The following NUCB2 variants were observed in gnomAD, a reference collection of about 807,000 sequenced individuals.
The protein encoded by NUCB2 is nucleobindin 2.
Under a neutral mutation model 57.9 loss-of-function variants are expected in NUCB2, and 48 were observed. That is an observed-to-expected ratio of 0.83 (90% CI 0.66 to 1.05). The LOEUF is 1.05. NUCB2 is among the 50% of genes least tolerant of loss of function. The pLI is 0.00. For synonymous variants in NUCB2, 139 were observed against 152.1 expected (o/e 0.91, Z 0.64); for missense variants, 442 against 476.2 (o/e 0.93, Z 0.67).
intron 5 of NUCB2, among the ~76,000 whole-genome samples, chr11:17,304,314 C>T (rs1321185687): frequency 6.6e-6 from 1 of 151,990 alleles, no homozygotes; most frequent in Non-Finnish European, 1.5e-5. Flanking sequence ...CCTGCCTCAG[C>T]CTCCTGAGTC....
chr11:17,342,304 G>A lies in NUCB2; in HGVS notation n.2626+4770G>A, dbSNP rs1189639688. ...TTTGATTTTTTGAAGGGTTTTTTGT[G>A]TATCTCTTTCAGTTCTGCTCTGATC... On this transcript the variant is annotated intron_variant and non_coding_transcript_variant, in intron 2 of 2. Transcript: ENST00000532240. Among the ~76,000 whole-genome samples, 4 of 151,928 alleles carry A rather than the reference G, an allele frequency of 2.6e-5. No homozygotes were observed. The East Asian group carries it at 5.8e-4, about 22-fold the overall frequency.
chr11:17,330,182 T>C lies in NUCB2; in HGVS notation c.1058T>C (p.Ile353Thr), dbSNP rs761001007. Residue 353 changes from isoleucine to threonine, a missense_variant, in exon 12 of 14, where the codon ATT becomes ACT. By Grantham distance (89) the Ile-to-Thr change is moderately conservative. Transcript: ENST00000529010. This position sits in a 1 kb window ranked among gnomAD's most constrained non-coding sequence, Gnocchi z 4.3. ...TEEELKEYEN[I>T]IALQENELKK... is the part of the protein sequence containing the mutation. ...GAAGAACTAAAAGAATATGAAAATA[T>C]TATTGCTTTACAAGAAAATGAACTT... 1 of 1,591,530 alleles carries C rather than the reference T, an allele frequency of 6.3e-7. No homozygotes were observed. The highest frequency in any genetic ancestry group is 8.6e-7 in the Non-Finnish European group (1 of 1,161,802).
At chr11:17,301,477 G>A (rs1430657675) in intron 4 of NUCB2, among the ~76,000 whole-genome samples, 5 of 145,836 alleles carry the variant, frequency 3.4e-5, no homozygotes, top group South Asian at 2.2e-4. Flanking sequence ...ACGGTATTTC[G>A]CCAGGTTGGC....
At position 17,315,472 on chromosome 11, in the gene NUCB2, G is replaced by A; in HGVS notation, c.999G>A (p.Trp333Ter). 6.3e-7 allele frequency: 1 copy of A among 1,594,898 alleles called. No homozygotes were observed. Among genetic ancestry groups the A allele is most frequent in the South Asian group, 1.1e-5 (1 of 90,390 alleles). ...EKKEFLEPDS[W>*]ETLDQQQFFT... ...AAGAATTCTTGGAGCCAGATAGCTGGGAGGTAATAGAACCTACTCTAAATG... is the reference window on the plus strand; with the variant it reads ...AAGAATTCTTGGAGCCAGATAGCTGAGAGGTAATAGAACCTACTCTAAATG... Residue 333 changes from tryptophan to a stop codon, truncating the protein, a stop_gained, in exon 11 of 14, where the codon TGG becomes TGA. Coordinates refer to ENST00000529010, the MANE Select transcript of NUCB2 (RefSeq NM_005013.4). LOFTEE classifies it high-confidence loss of function.
chr11:17,284,487 C>T (rs1430972968), intron 2 of NUCB2, among the ~76,000 whole-genome samples: 2 of 152,152 alleles, frequency 1.3e-5, no homozygotes, highest in Non-Finnish European at 2.9e-5. Flanking sequence ...AAGATTCAGT[C>T]AATCTTTTAG....
chr11:17,311,935 A>G lies in NUCB2; in HGVS notation c.819+5A>G. On this transcript the variant is annotated splice_donor_5th_base_variant and intron_variant, in intron 9 of 13. Transcript: ENST00000529010. The stretch of plus-strand genomic sequence containing the variant: ...GAAGCCCTATTTACTAAAGAGGTAA[A>G]GGAGTTTATTAAGTATTCAGTGTTC... The G allele has an allele frequency of 6.3e-7, 1 of 1,581,342 alleles. No homozygotes were observed. The highest frequency in any genetic ancestry group is 1.1e-5 in the South Asian group (1 of 87,532).
chr11:17,320,455 A>G (rs1422881099), intron 11 of NUCB2, among the ~76,000 whole-genome samples: 1 of 152,100 alleles, frequency 6.6e-6, no homozygotes, highest in Non-Finnish European at 1.5e-5. Flanking sequence ...GGATCACCTG[A>G]TATCAGACCT....
intron 1 of NUCB2, among the ~76,000 whole-genome samples, chr11:17,279,603 C>G (rs1285349327): frequency 6.6e-6 from 1 of 152,050 alleles, no homozygotes; most frequent in Non-Finnish European, 1.5e-5. Flanking sequence ...TGTGATCTTT[C>G]AAAATATCTT....
intron 2 of NUCB2, among the ~76,000 whole-genome samples, chr11:17,287,421 C>T (rs879067377): frequency 6.6e-6 from 1 of 151,980 alleles, no homozygotes; most frequent in African/African-American, 2.4e-5. Flanking sequence ...CCTGTAATCT[C>T]GGCACTTTGG....
intron 11 of NUCB2, among the ~76,000 whole-genome samples, chr11:17,315,718 T>C (rs1949142477): frequency 6.6e-6 from 1 of 152,176 alleles, no homozygotes; most frequent in Non-Finnish European, 1.5e-5. Context: ...TTTTTCAAAG[T>C]ATAAAATAGG....
At chr11:17,318,148 G>A (rs1335397012) in intron 11 of NUCB2, among the ~76,000 whole-genome samples, 2 of 151,860 alleles carry the variant, frequency 1.3e-5, no homozygotes, top group Admixed American at 1.3e-4. Flanking sequence ...CTGAGTAGCT[G>A]AGACCACAGG....
chr11:17,300,224 T>A (rs1946473437), intron 4 of NUCB2, among the ~76,000 whole-genome samples: 1 of 152,200 alleles, frequency 6.6e-6, no homozygotes, highest in South Asian at 2.1e-4. Context: ...TTGGCCAGGC[T>A]GGTCTCAAAA....
chr11:17,335,872 ATTC>A (rs1181826415), downstream of NUCB2, among the ~76,000 whole-genome samples: 1 of 152,228 alleles, frequency 6.6e-6, no homozygotes, highest in East Asian at 1.9e-4. Context: ...TGTTTATACC[ATTC>A]TTCTTCATAT....
chr11:17,345,852 T>G (rs1429258320), intron 2 of NUCB2, among the ~76,000 whole-genome samples: 1 of 152,178 alleles, frequency 6.6e-6, no homozygotes, highest in African/African-American at 2.4e-5. Flanking sequence ...AAACTATAAA[T>G]AAATAATTGG....
Position 17,328,050 on chromosome 11 carries a change from G to T in NUCB2, c.1003-2077G>T, listed in dbSNP as rs538540114. Among the ~76,000 whole-genome samples, 198 of 152,268 alleles carry T rather than the reference G, an allele frequency of 1.3e-3. 1 individual carries two copies. Among genetic ancestry groups the T allele is most frequent in the African/African-American group, 4.6e-3 (191 of 41,536 alleles). ...ACTTACTGTAATCTTCACACTCTGG[G>T]TTTGTTTGTGCATGTCCTTCTTTGG... On this transcript the variant is annotated intron_variant, in intron 11 of 13. Transcript: ENST00000529010.
chr11:17,310,153 G>C (rs1485223605), intron 6 of NUCB2, among the ~76,000 whole-genome samples: 1 of 152,028 alleles, frequency 6.6e-6, no homozygotes, highest in Middle Eastern at 3.2e-3. Context: ...GTTCTAACCT[G>C]GCAGGTATTA....
intron 10 of NUCB2, among the ~76,000 whole-genome samples, chr11:17,315,144 G>T (rs1463427598): frequency 6.6e-6 from 1 of 152,126 alleles, no homozygotes; most frequent in African/African-American, 2.4e-5. Context: ...TGGGCATTAG[G>T]TATATAGATA....
At chr11:17,317,996 T>TA (rs397961511) in intron 11 of NUCB2, among the ~76,000 whole-genome samples, 12 of 147,330 alleles carry the variant, frequency 8.1e-5, no homozygotes, top group Admixed American at 6.8e-4. Flanking sequence ...TTTTTTTTTT[T>TA]AATAATTTTA....
chr11:17,301,960 C>T, intron 5 of NUCB2, 90 bp downstream of exon 5: 1 of 1,086,864 alleles, frequency 9.2e-7, no homozygotes, highest in Non-Finnish European at 1.3e-6. Flanking sequence ...AGTGCAGTGG[C>T]ACAATCACAG....
Sources: allele counts gnomAD v4.1 joint callset (sites outside exome capture counted in the v4.1 genomes callset), GRCh38; gene constraint gnomAD v4.1.1; non-coding constraint Gnocchi (gnomAD v3.1); transcripts MANE v1.5; gene names NCBI Gene and HGNC (gene_info 2026-07-23, HGNC 2026-07-21).